The following USP3 variants were observed in gnomAD, a reference collection of about 807,000 sequenced individuals.
The protein encoded by USP3 is ubiquitin specific peptidase 3.
A neutral mutation model predicts 72.3 loss-of-function variants in USP3; 20 were observed. That is an observed-to-expected ratio of 0.28 (90% CI 0.19 to 0.40). The LOEUF is 0.40. Ranked by LOEUF, USP3 falls within the 10% of genes least tolerant of loss-of-function variation. The probability of loss-of-function intolerance (pLI) is 1.00; values close to 1 mark genes in which losing one functional copy is unlikely to be tolerated. For synonymous variants in USP3, 222 were observed against 225.3 expected, an observed-to-expected ratio of 0.99 and a Z score of 0.13; for missense variants, 479 against 633.9, an observed-to-expected ratio of 0.76 and a Z score of 2.62.
intron 2 of USP3, 114 bp from the exon 3 acceptor site, chr15:63,536,911 C>A: frequency 9.1e-7 from 1 of 1,102,106 alleles, no homozygotes; most frequent in Non-Finnish European, 1.3e-6. Flanking sequence ...ACATGATTGA[C>A]TGCTGTTATA....
rs1214483976 is a variant in USP3, at chr15:63,528,031, C to T, written c.92-4616C>T. On this transcript the variant is annotated intron_variant, in intron 1 of 14. Coordinates refer to ENST00000380324, the MANE Select transcript of USP3 (RefSeq NM_006537.4). This position sits in a 1 kb window ranked among gnomAD's most constrained non-coding sequence, Gnocchi z 4.3. ...GAGGATAGAGCTTCTTCATCTCCTC[C>T]ATGCAAAGGAGCCCTCCTGCCATCT... 2 of 152,230 alleles carry T rather than the reference C, an allele frequency of 1.3e-5. No homozygotes were observed. Among genetic ancestry groups the T allele is most frequent in the Non-Finnish European group, 2.9e-5 (2 of 68,096 alleles). 9.4% of individuals were successfully genotyped at this position (152,230 alleles called of 1,614,324 possible).
At position 63,528,980 on chromosome 15, in the gene USP3, C is replaced by T. The variant is rs1384839086; in HGVS notation, c.92-3667C>T. ...CAATGCCATTTATTGGCTTCAGAAT[C>T]CCTCATAATACCCTATCCTCTGTAT... On this transcript the variant is annotated intron_variant, in intron 1 of 14. Coordinates refer to ENST00000380324, the MANE Select transcript of USP3 (RefSeq NM_006537.4). This position sits in a 1 kb window ranked among gnomAD's most constrained non-coding sequence, Gnocchi z 4.3. 4 of 1,282,456 alleles carry T rather than the reference C, an allele frequency of 3.1e-6. No individual in the cohort carries two copies. The highest frequency in any genetic ancestry group is 4.1e-6 in the Non-Finnish European group (4 of 984,742). 79.4% of individuals were successfully genotyped at this position (1,282,456 alleles called of 1,614,324 possible).
In USP3 at chr15:63,504,696, C is replaced by T. The variant is rs1195170129; in HGVS notation, c.-44C>T. ...CGGAGTTCCTCCGCCCCCACCTCGC[C>T]GGGTCCTGGAGCCGCAGTCCTCCCA... On this transcript the variant is annotated 5_prime_UTR_variant, in exon 1 of 15. Coordinates refer to ENST00000380324, the MANE Select transcript of USP3 (RefSeq NM_006537.4). The T allele has an allele frequency of 2.0e-6, 3 of 1,521,648 alleles. No homozygotes were observed. The highest frequency in any genetic ancestry group is 2.8e-5 in the African/African-American group (2 of 71,028). 94.3% of individuals were successfully genotyped at this position (1,521,648 alleles called of 1,614,324 possible).
intron 3 of USP3, among the ~76,000 whole-genome samples, chr15:63,546,572 T>C (rs1358456660): frequency 6.6e-6 from 1 of 152,184 alleles, no homozygotes; most frequent in Non-Finnish European, 1.5e-5. Context: ...TTTAGAACTT[T>C]TAAATCCATC....
chr15:63,532,908 G>A (rs556704801), intron 2 of USP3, among the ~76,000 whole-genome samples: 5 of 152,238 alleles, frequency 3.3e-5, no homozygotes, highest in South Asian at 2.1e-4. Flanking sequence ...AAAACTCTTC[G>A]TATTGATACT....
At chr15:63,538,641 G>A (rs1244126938) in intron 3 of USP3, among the ~76,000 whole-genome samples, 1 of 151,578 alleles carries the variant, frequency 6.6e-6, no homozygotes, top group African/African-American at 2.4e-5. Context: ...TGCCTCCTGG[G>A]TTCAAGCCAT....
intron 11 of USP3, among the ~76,000 whole-genome samples, chr15:63,587,344 G>A (rs530203831): frequency 9.9e-5 from 15 of 151,882 alleles, no homozygotes; most frequent in African/African-American, 2.4e-4. Flanking sequence ...ACAGAATAAC[G>A]TGTATTTTAT....
At position 63,588,085 on chromosome 15, in the gene USP3, A is replaced by G; in HGVS notation, c.1097-220A>G. On this transcript the variant is annotated intron_variant, in intron 11 of 14. Transcript: ENST00000380324. The surrounding 1 kb of genome is among the most constrained non-coding windows in gnomAD (Gnocchi z 4.6). Reference sequence around the variant, plus strand: ...ACACAATTGATCATCACCAGATGTCAGGCATGATGCCAGGTGCTCTACACA... The same window carrying G: ...ACACAATTGATCATCACCAGATGTCGGGCATGATGCCAGGTGCTCTACACA... The G allele has an allele frequency of 2.5e-6, 1 of 394,960 alleles. No individual in the cohort carries two copies. The highest frequency in any genetic ancestry group is 4.1e-5 in the Admixed American group (1 of 24,222). The allele number at this position is 394,960 out of a possible 1,614,324, so 24.5% of individuals were successfully genotyped here.
intron 4 of USP3, among the ~76,000 whole-genome samples, chr15:63,554,231 G>T (rs754824747): frequency 4.6e-5 from 7 of 152,168 alleles, no homozygotes; most frequent in Non-Finnish European, 7.3e-5. Context: ...TAGGTTTAAT[G>T]AACATATTGT....
At chr15:63,517,560 G>A (rs943089787) in intron 1 of USP3, among the ~76,000 whole-genome samples, 2 of 152,166 alleles carry the variant, frequency 1.3e-5, no homozygotes, top group Non-Finnish European at 2.9e-5. Context: ...TCCACAGTGG[G>A]CTTCACTGTG....
chr15:63,516,655 T>C (rs1262231799), intron 1 of USP3, among the ~76,000 whole-genome samples: 1 of 152,150 alleles, frequency 6.6e-6, no homozygotes, highest in Non-Finnish European at 1.5e-5. Flanking sequence ...AGAGTTGCTG[T>C]TGAGAAACCT....
rs575433409 is a variant in USP3 at position 63,553,304 on chromosome 15, C to T, written c.285-411C>T. The stretch of plus-strand genomic sequence containing the variant: ...CCTCTTCCCTGCTTTTCACTTAAAT[C>T]TCTCCTTCCCCCAATTCCCCATTAA... On this transcript the variant is annotated intron_variant, in intron 3 of 14. Transcript: ENST00000380324. The surrounding 1 kb of genome is among the most constrained non-coding windows in gnomAD (Gnocchi z 4.2). 6.5e-6 allele frequency: 1 copy of T among 153,404 alleles called. No individual in the cohort carries two copies. Among genetic ancestry groups the T allele is most frequent in the Admixed American group, 6.5e-5 (1 of 15,324 alleles). The allele number at this position is 153,404 out of a possible 1,614,324, so 9.5% of individuals were successfully genotyped here. A position where few individuals can be genotyped will look rare whatever the true frequency, so the allele number is the denominator to read the frequency against.
intron 1 of USP3, among the ~76,000 whole-genome samples, chr15:63,530,249 C>T (rs1437964653): frequency 1.5e-5 from 2 of 133,128 alleles, no homozygotes; most frequent in African/African-American, 6.2e-5. Flanking sequence ...TTACCGTCAT[C>T]CTTCCTTCCC....
At chr15:63,526,024 T>A (rs897622830) in intron 1 of USP3, among the ~76,000 whole-genome samples, 6 of 152,228 alleles carry the variant, frequency 3.9e-5, no homozygotes, top group African/African-American at 1.4e-4. Context: ...GTTCATTTTA[T>A]TAGGACTTTA....
Position 63,547,757 on chromosome 15 carries a change from GGAGGGAGAGAGAGAGAGAGAGA to G in USP3, c.285-5954_285-5933del, listed in dbSNP as rs2066358007. Among the ~76,000 whole-genome samples the G allele has an allele frequency of 2.5e-4, 10 of 39,612 alleles. 1 individual carries two copies. Among genetic ancestry groups the G allele is most frequent in the African/African-American group, 5.2e-4 (5 of 9,664 alleles). 26.0% of individuals were successfully genotyped at this position (39,612 alleles called of 152,430 possible). A position where few individuals can be genotyped will look rare whatever the true frequency, so the allele number is the denominator to read the frequency against. On this transcript the variant is annotated intron_variant, in intron 3 of 14. Coordinates refer to ENST00000380324, the MANE Select transcript of USP3 (RefSeq NM_006537.4). Reference sequence around the variant, plus strand: ...GAGAGAGAGAGAGGGAGGGAGGGAGGGAGGGAGAGAGAGAGAGAGAGAGAGAGAGAGAGAGAGAGAGAGGCAT... The same window carrying G: ...GAGAGAGAGAGAGGGAGGGAGGGAGGGAGAGAGAGAGAGAGAGAGAGGCAT...
In USP3 at chr15:63,570,794, G is replaced by T. The variant is rs1432448503; in HGVS notation, c.908+215G>T. Among the ~76,000 whole-genome samples the T allele has an allele frequency of 6.6e-6, 1 of 152,172 alleles. No homozygotes were observed. The highest frequency in any genetic ancestry group is 1.5e-5 in the Non-Finnish European group (1 of 68,034). ...TTTGCATCCTGATTTAGTTCTGACT[G>T]TGATTAATTGGTATAGATTATTTTA... On this transcript the variant is annotated intron_variant, in intron 9 of 14. Transcript: ENST00000380324. The surrounding 1 kb of genome is among the most constrained non-coding windows in gnomAD (Gnocchi z 4.4).
intron 8 of USP3, among the ~76,000 whole-genome samples, chr15:63,565,351 A>C (rs73444648): frequency 0.023 from 3,461 of 152,274 alleles, 123 homozygotes; most frequent in African/African-American, 0.076. Context: ...ATTTTCTTGA[A>C]GTTTTGACCT....
chr15:63,563,220 C>T (rs1264993382), intron 8 of USP3, among the ~76,000 whole-genome samples: 1 of 152,072 alleles, frequency 6.6e-6, no homozygotes, highest in Non-Finnish European at 1.5e-5. Context: ...ATGTCTTTAA[C>T]AAGAGGTGGG....
intron 11 of USP3, among the ~76,000 whole-genome samples, chr15:63,580,640 G>GCA (rs2066937210): frequency 2.7e-5 from 1 of 36,916 alleles, no homozygotes; most frequent in Admixed American, 1.9e-4. Context: ...AGAAAGTGGT[G>GCA]CATATATATA....
Sources: gnomAD v4.1 joint callset for allele counts (sites outside exome capture counted in the v4.1 genomes callset) on GRCh38, gnomAD v4.1.1 for gene constraint, Gnocchi (gnomAD v3.1) non-coding constraint, MANE v1.5 for transcripts, NCBI Gene and HGNC (gene_info 2026-07-23, HGNC 2026-07-21) for gene names.